Variants in SEMA5A observed in about 807,000 individuals in gnomAD.
SEMA5A encodes semaphorin-5A.
In SEMA5A, 55 loss-of-function variants were observed where a neutral mutation model predicts 135.5. The observed-to-expected ratio is 0.41, with a 90% CI of 0.33 to 0.51. The LOEUF (loss-of-function observed/expected upper bound fraction) is 0.51, where lower values mean the gene tolerates loss of function less well. Among genes scored for constraint, SEMA5A ranks in the 20% least tolerant of loss-of-function variants. The probability of loss-of-function intolerance (pLI) is 0.37; values close to 1 mark genes in which losing one functional copy is unlikely to be tolerated. For synonymous variants in SEMA5A, 580 were observed against 546.5 expected (o/e 1.06, Z -0.85); for missense variants, 1,290 against 1,419.9 (o/e 0.91, Z 1.47).
At chr5:9,213,380 G>A (rs1007522910) in intron 8 of SEMA5A, among the ~76,000 whole-genome samples, 1 of 152,214 alleles carries the variant, frequency 6.6e-6, no homozygotes, top group Non-Finnish European at 1.5e-5. Flanking sequence ...GTAGTGGTGG[G>A]AGGAAATAAC....
intron 1 of SEMA5A, among the ~76,000 whole-genome samples, chr5:9,541,588 T>C (rs1017349680): frequency 6.6e-6 from 1 of 152,228 alleles, no homozygotes; most frequent in African/African-American, 2.4e-5. Context: ...AATGATTTTC[T>C]TTTTTCCAAA....
At chr5:9,171,859 C>T (rs1386345623) in intron 11 of SEMA5A, among the ~76,000 whole-genome samples, 2 of 152,144 alleles carry the variant, frequency 1.3e-5, no homozygotes, top group Non-Finnish European at 1.5e-5. Context: ...CGGGCACCAA[C>T]TTACAGGGCA....
At chr5:9,132,074 T>G (rs1029356339) in intron 13 of SEMA5A, among the ~76,000 whole-genome samples, 5 of 152,232 alleles carry the variant, frequency 3.3e-5, no homozygotes, top group African/African-American at 1.2e-4. Flanking sequence ...GAGTAATGTT[T>G]TCAATTACAA....
intron 11 of SEMA5A, among the ~76,000 whole-genome samples, chr5:9,162,562 GTGTATATATATA>G (rs377491783): frequency 3.2e-5 from 2 of 63,238 alleles, no homozygotes; most frequent in African/African-American, 5.6e-5. Flanking sequence ...GTGTGTGTGT[GTGTATATATATA>G]TATATATATA....
At chr5:9,108,566 A>G (rs369041862) in intron 15 of SEMA5A, among the ~76,000 whole-genome samples, 15 of 152,310 alleles carry the variant, frequency 9.8e-5, no homozygotes, top group South Asian at 6.2e-4. Context: ...GGAAAAACAA[A>G]CAAAACCCTT....
intron 8 of SEMA5A, among the ~76,000 whole-genome samples, chr5:9,203,994 G>C (rs1299614695): frequency 6.6e-6 from 1 of 152,128 alleles, no homozygotes; most frequent in Admixed American, 6.5e-5. Context: ...GGGGTGTTAA[G>C]TCTGTGTTTA....
chr5:9,149,595 G>C lies in SEMA5A; in HGVS notation c.1481+4893C>G, dbSNP rs184047494. 2.6e-5 allele frequency among the ~76,000 whole-genome samples: 4 copies of C among 152,316 alleles called. 1 individual carries two copies. The East Asian group carries it at 7.7e-4, about 29-fold the overall frequency. ...GAAGATGGAGGTTGCAGTGAGCTGA[G>C]ATCACACCACTGCACTCTAGCCTGG... On this transcript the variant is annotated intron_variant, in intron 12 of 22. Transcript: ENST00000382496.
chr5:9,545,983 C>G lies in SEMA5A; in HGVS notation c.-574G>C, dbSNP rs1396871389. 1 of 152,322 alleles carries G rather than the reference C, an allele frequency of 6.6e-6. No homozygotes were observed. The highest frequency in any genetic ancestry group is 1.5e-5 in the Non-Finnish European group (1 of 68,208). The allele number at this position is 152,322 out of a possible 1,614,324, so 9.4% of individuals were successfully genotyped here. A position where few individuals can be genotyped will look rare whatever the true frequency, so the allele number is the denominator to read the frequency against. Reference sequence around the variant, plus strand: ...CAGCGGGCCAAGGGCCGCGGCTGGCCTGAGGCTGCGAAGCCCACCCGCGGC... The same window carrying G: ...CAGCGGGCCAAGGGCCGCGGCTGGCGTGAGGCTGCGAAGCCCACCCGCGGC... On this transcript the variant is annotated 5_prime_UTR_variant, in exon 1 of 23. Coordinates refer to ENST00000382496, the MANE Select transcript of SEMA5A (RefSeq NM_003966.3). The surrounding 1 kb of genome is among the most constrained non-coding windows in gnomAD (Gnocchi z 4.5).
chr5:9,159,994 T>A, intron 11 of SEMA5A, among the ~76,000 whole-genome samples: 1 of 151,252 alleles, frequency 6.6e-6, no homozygotes, highest in Non-Finnish European at 1.5e-5. Flanking sequence ...TAAGTGGGAG[T>A]TGAACATTGA....
chr5:9,327,876 T>G (rs577402781), intron 4 of SEMA5A, among the ~76,000 whole-genome samples: 1 of 152,168 alleles, frequency 6.6e-6, no homozygotes, highest in Non-Finnish European at 1.5e-5. Flanking sequence ...ATTTGTTCCT[T>G]TCTGTTTTTC....
intron 11 of SEMA5A, among the ~76,000 whole-genome samples, chr5:9,158,918 A>G (rs2619921): frequency 0.55 from 83,485 of 151,744 alleles, 25,665 homozygotes; most frequent in Middle Eastern, 0.76. Flanking sequence ...GTTATATTCT[A>G]GGGTTACCAG....
chr5:9,391,320 GA>G (rs1364330342), intron 2 of SEMA5A, among the ~76,000 whole-genome samples: 1 of 152,190 alleles, frequency 6.6e-6, no homozygotes, highest in East Asian at 1.9e-4. Flanking sequence ...GGCAGGGGCA[GA>G]GGGGCAGGAT....
At chr5:9,507,071 A>G (rs1735925920) in intron 1 of SEMA5A, among the ~76,000 whole-genome samples, 2 of 152,226 alleles carry the variant, frequency 1.3e-5, no homozygotes, top group Admixed American at 1.3e-4. Flanking sequence ...TAACATAGGT[A>G]TTATTTTACT....
intron 21 of SEMA5A, among the ~76,000 whole-genome samples, chr5:9,047,951 A>C (rs1561099436): frequency 6.6e-6 from 1 of 152,162 alleles, no homozygotes; most frequent in Non-Finnish European, 1.5e-5. Flanking sequence ...TCCACAGGGT[A>C]ACTGTGAGGC....
At chr5:9,428,088 G>GTATATATATATATA (rs10536071) in intron 2 of SEMA5A, among the ~76,000 whole-genome samples, 1 of 145,648 alleles carries the variant, frequency 6.9e-6, no homozygotes, top group Non-Finnish European at 1.5e-5. Context: ...ATATGTGTGT[G>GTATATATATATATA]TATATATATA....
At chr5:9,170,931 C>T (rs3797929) in intron 11 of SEMA5A, among the ~76,000 whole-genome samples, 14,865 of 152,096 alleles carry the variant, frequency 0.098, 1,207 homozygotes, top group African/African-American at 0.2. Context: ...AGCCTACACT[C>T]TCCTCCTTCC....
At chr5:9,185,856 A>T (rs1744776443) in intron 11 of SEMA5A, among the ~76,000 whole-genome samples, 1 of 152,164 alleles carries the variant, frequency 6.6e-6, no homozygotes, top group African/African-American at 2.4e-5. Flanking sequence ...TAGAACAACC[A>T]TGGCCATGCT....
rs984567116 is a variant in SEMA5A at position 9,040,997 on chromosome 5, G to A, written c.*1900C>T. The A allele has an allele frequency of 1.3e-5, 2 of 152,156 alleles. No homozygotes were observed. Among genetic ancestry groups the A allele is most frequent in the Non-Finnish European group, 2.9e-5 (2 of 68,024 alleles). 9.4% of individuals were successfully genotyped at this position (152,156 alleles called of 1,614,324 possible). ...CGGCTAGATTTCCCCTACTGAGTAT[G>A]GACTTTGAGCATGTGCATATAGACA... is the stretch of plus-strand genomic sequence containing the variant. On this transcript the variant is annotated 3_prime_UTR_variant, in exon 23 of 23. Coordinates refer to ENST00000382496, the MANE Select transcript of SEMA5A (RefSeq NM_003966.3).
At chr5:9,093,437 G>A (rs1197605762) in intron 16 of SEMA5A, among the ~76,000 whole-genome samples, 1 of 152,180 alleles carries the variant, frequency 6.6e-6, no homozygotes, top group Non-Finnish European at 1.5e-5. Context: ...GGCCGGGCGT[G>A]GTAGCTCATG....
Sources: gnomAD v4.1 joint callset for allele counts (sites outside exome capture counted in the v4.1 genomes callset) on GRCh38, gnomAD v4.1.1 for gene constraint, Gnocchi (gnomAD v3.1) non-coding constraint, MANE v1.5 for transcripts, NCBI Gene and HGNC (gene_info 2026-07-23, HGNC 2026-07-21) for gene names.